Variants in PLXNA2 observed in about 807,000 individuals in gnomAD.
PLXNA2 encodes the protein plexin A2, also known as plexin-A2.
A neutral mutation model predicts 193.5 loss-of-function variants in PLXNA2; 91 were observed. That is an observed-to-expected ratio of 0.47 (90% CI 0.40 to 0.56). PLXNA2 has a LOEUF of 0.56. PLXNA2 is among the 20% of genes least tolerant of loss of function. The pLI, the probability that PLXNA2 is intolerant of heterozygous loss-of-function variation, is 0.00. For synonymous variants in PLXNA2, 997 were observed against 1,027.3 expected (o/e 0.97, Z 0.56); for missense variants, 1,995 against 2,503.2 (o/e 0.80, Z 4.33).
rs150428871 is a variant in PLXNA2, at chr1:208,191,747, A to G, written c.1371+18533T>C. Reference sequence around the variant, plus strand: ...CAAGGCCTGGACTCTTCTTAAACGCAGTGCTCTCCTGCTCTGACAGCCACA... The same window carrying G: ...CAAGGCCTGGACTCTTCTTAAACGCGGTGCTCTCCTGCTCTGACAGCCACA... On this transcript the variant is annotated intron_variant, in intron 3 of 31. Transcript: ENST00000367033. Among the ~76,000 whole-genome samples the G allele has an allele frequency of 6.6e-5, 10 of 152,352 alleles. No individual in the cohort carries two copies. The East Asian group carries it at 1.9e-3, about 29-fold the overall frequency.
rs193243657 is a variant in PLXNA2 at position 208,053,238 on chromosome 1, C to T, written c.2857-775G>A. On this transcript the variant is annotated intron_variant, in intron 14 of 31. Coordinates refer to ENST00000367033, the MANE Select transcript of PLXNA2 (RefSeq NM_025179.4). ...TTCTAGTTTGCATCAGCCATTCATC[C>T]GCTGTGTGTCCTGAGGCAAGTTCTG... is the stretch of plus-strand genomic sequence containing the variant. Among the ~76,000 whole-genome samples the T allele has an allele frequency of 1.4e-3, 211 of 152,264 alleles. 5 individuals carry two copies. The highest frequency in any genetic ancestry group is 4.9e-3 in the African/African-American group (204 of 41,534).
chr1:208,077,468 G>A (rs373657136), intron 12 of PLXNA2, among the ~76,000 whole-genome samples: 1 of 152,212 alleles, frequency 6.6e-6, no homozygotes, highest in Non-Finnish European at 1.5e-5. Flanking sequence ...GCCAGTTGGG[G>A]AGTGGATGGT....
chr1:208,128,068 G>A (rs181007187), intron 4 of PLXNA2, among the ~76,000 whole-genome samples: 20 of 152,252 alleles, frequency 1.3e-4, no homozygotes, highest in East Asian at 9.7e-4. Flanking sequence ...CCTGAGGGGC[G>A]GGCAGAGAGA....
In PLXNA2 at chr1:208,244,300, G is replaced by T; in HGVS notation, c.-738C>A. ...GCTCCTCCCGGCAGCTCTGGCTCCC[G>T]CGGTGGCGGCGGCGGCGGCGGCGGC... On this transcript the variant is annotated 5_prime_UTR_variant, in exon 1 of 32. Coordinates refer to ENST00000367033, the MANE Select transcript of PLXNA2 (RefSeq NM_025179.4). 1.2e-5 allele frequency: 1 copy of T among 83,828 alleles called. No individual in the cohort carries two copies. The highest frequency in any genetic ancestry group is 1.8e-5 in the Non-Finnish European group (1 of 55,092). 5.2% of individuals were successfully genotyped at this position (83,828 alleles called of 1,614,324 possible).
chr1:208,144,492 G>A (rs191718200), intron 3 of PLXNA2, among the ~76,000 whole-genome samples: 70 of 152,248 alleles, frequency 4.6e-4, no homozygotes, highest in Admixed American at 1.2e-3. Context: ...GCTCTGGCCC[G>A]GGGGTCCCCG....
chr1:208,177,816 A>C (rs1329191924), intron 3 of PLXNA2, among the ~76,000 whole-genome samples: 3 of 152,258 alleles, frequency 2.0e-5, no homozygotes, highest in Admixed American at 2.0e-4. Context: ...CCCAGTGCTA[A>C]TGAATCAGAA....
chr1:208,084,129 A>G (rs1666433426), intron 10 of PLXNA2, among the ~76,000 whole-genome samples: 2 of 152,230 alleles, frequency 1.3e-5, no homozygotes, highest in South Asian at 4.1e-4. Context: ...TAAAAAATCA[A>G]CTTCAGAAAG....
At chr1:208,221,342 T>C (rs931563440) in intron 1 of PLXNA2, among the ~76,000 whole-genome samples, 11 of 150,454 alleles carry the variant, frequency 7.3e-5, no homozygotes, top group South Asian at 2.1e-4. Context: ...TGCTCCAACC[T>C]GGAGAGGCTG....
chr1:208,221,331 T>C (rs991603961), intron 1 of PLXNA2, among the ~76,000 whole-genome samples: 82 of 152,266 alleles, frequency 5.4e-4, no homozygotes, highest in Non-Finnish European at 7.6e-4. Flanking sequence ...CTGAGGTTTT[T>C]TGCTCCAACC....
Position 208,038,717 on chromosome 1 carries a change from T to C in PLXNA2, c.4660+108A>G. The stretch of plus-strand genomic sequence containing the variant: ...AAGCGGGAAGCATTTCACACGGGCC[T>C]CAGCTGGCCAGGACACAGTCATGCC... On this transcript the variant is annotated intron_variant, in intron 25 of 31. Transcript: ENST00000367033. The surrounding 1 kb of genome is among the most constrained non-coding windows in gnomAD (Gnocchi z 4.1). 3 of 1,222,770 alleles carry C rather than the reference T, an allele frequency of 2.5e-6. No homozygotes were observed. The highest frequency in any genetic ancestry group is 2.7e-5 in the South Asian group (2 of 72,802). 75.7% of individuals were successfully genotyped at this position (1,222,770 alleles called of 1,614,324 possible). A position where few individuals can be genotyped will look rare whatever the true frequency, so the allele number is the denominator to read the frequency against.
intron 3 of PLXNA2, chr1:208,209,983 A>AATTTTTTTTTTTTTTTTT (rs34413554): frequency 0.011 from 990 of 87,902 alleles, 409 homozygotes; most frequent in South Asian, 0.017. Context: ...ATGAAGAGCA[A>AATTTTTTTTTTTTTTTTT]TTTTTTTTTT....
intron 1 of PLXNA2, among the ~76,000 whole-genome samples, chr1:208,231,732 T>A (rs1671699180): frequency 6.6e-6 from 1 of 152,186 alleles, no homozygotes; most frequent in Non-Finnish European, 1.5e-5. Flanking sequence ...CATCACCAGT[T>A]TACAGGTGAG....
chr1:208,163,526 G>A (rs544564283), intron 3 of PLXNA2, among the ~76,000 whole-genome samples: 44 of 152,314 alleles, frequency 2.9e-4, no homozygotes, highest in African/African-American at 1.0e-3. Context: ...GGTGGGAAAT[G>A]TGGATGGGTG....
At chr1:208,030,045 C>A in intron 29 of PLXNA2, 1 of 985,520 alleles carries the variant, frequency 1.0e-6, no homozygotes, top group Non-Finnish European at 1.2e-6. Flanking sequence ...TCCCAAATGT[C>A]TCAGTAGTGC....
chr1:208,218,066 C>T, intron 1 of PLXNA2, 64 bp from the exon 2 acceptor site: 2 of 1,450,980 alleles, frequency 1.4e-6, no homozygotes, highest in Non-Finnish European at 1.9e-6. Flanking sequence ...AAGAGGCTGG[C>T]CTGACCCAGG....
At chr1:208,144,900 C>A (rs551947449) in intron 3 of PLXNA2, among the ~76,000 whole-genome samples, 1 of 151,988 alleles carries the variant, frequency 6.6e-6, no homozygotes, top group South Asian at 2.1e-4. Context: ...TGGTGTTACA[C>A]GGCTGAGACC....
Position 208,194,490 on chromosome 1 carries a change from A to T in PLXNA2, c.1371+15790T>A, listed in dbSNP as rs968338289. ...AAAAAAAAAAAAAAAAGAAAGAAAA[A>T]AAAAACATACATGCAGTATAATATC... On this transcript the variant is annotated intron_variant, in intron 3 of 31. Coordinates refer to ENST00000367033, the MANE Select transcript of PLXNA2 (RefSeq NM_025179.4). Among the ~76,000 whole-genome samples, 6 of 152,028 alleles carry T rather than the reference A, an allele frequency of 3.9e-5. No homozygotes were observed. In the East Asian group the frequency reaches 9.6e-4, roughly 24 times the overall value.
At chr1:208,174,206 C>T (rs1021321812) in intron 3 of PLXNA2, among the ~76,000 whole-genome samples, 3 of 152,170 alleles carry the variant, frequency 2.0e-5, no homozygotes, top group Admixed American at 2.0e-4. Context: ...GACCTCAGCT[C>T]CTGTCGGTGA....
At chr1:208,035,987 A>C (rs1327084303) in intron 26 of PLXNA2, among the ~76,000 whole-genome samples, 1 of 152,216 alleles carries the variant, frequency 6.6e-6, no homozygotes, top group African/African-American at 2.4e-5. Flanking sequence ...CAAGGGCTCC[A>C]AGGACCTTTG....
Sources: allele counts gnomAD v4.1 joint callset (sites outside exome capture counted in the v4.1 genomes callset), GRCh38; gene constraint gnomAD v4.1.1; non-coding constraint Gnocchi (gnomAD v3.1); transcripts MANE v1.5; gene names NCBI Gene and HGNC (gene_info 2026-07-23, HGNC 2026-07-21).